ZNF331: variants seen among roughly 807,000 people sequenced by gnomAD.
ZNF331 encodes zinc finger protein 331, also known as C2H2-like zinc finger protein rearranged in thyroid adenomas.
Under a neutral mutation model 7.0 loss-of-function variants are expected in ZNF331, and 2 were observed. That is an observed-to-expected ratio of 0.29 (90% CI 0.12 to 0.90). The LOEUF (loss-of-function observed/expected upper bound fraction) is 0.90. Among genes scored for constraint, ZNF331 ranks in the 40% least tolerant of loss-of-function variants. The pLI is 0.58. For synonymous variants in ZNF331, 196 were observed against 205.4 expected (o/e 0.95, Z 0.39); for missense variants, 432 against 587.7 (o/e 0.74, Z 2.74).
chr19:53,510,778 GATTT>G, the ZNF331 span, among the ~76,000 whole-genome samples: 1 of 139,626 alleles, frequency 7.2e-6, no homozygotes, highest in African/African-American at 2.7e-5. Flanking sequence ...TTATAATATT[GATTT>G]TTTTTACCCA....
intron 5 of ZNF331, among the ~76,000 whole-genome samples, chr19:53,574,884 TA>T (rs2090630749): frequency 6.6e-6 from 1 of 152,118 alleles, no homozygotes; most frequent in African/African-American, 2.4e-5. Flanking sequence ...ATAAGAAGGA[TA>T]AAAACTTTGT....
rs574300167 is a variant in ZNF331 at position 53,543,408 on chromosome 19, G to A, written c.-138+4126G>A. Among the ~76,000 whole-genome samples, 22 of 152,028 alleles carry A rather than the reference G, an allele frequency of 1.4e-4. No individual in the cohort carries two copies. The East Asian group carries it at 1.6e-3, about 11-fold the overall frequency. Reference sequence around the variant, plus strand: ...CTCCTGAGTAGCTGGGATTACAAGCGCGCACCACCATGCCCAGCTAGTTTT... The same window carrying A: ...CTCCTGAGTAGCTGGGATTACAAGCACGCACCACCATGCCCAGCTAGTTTT... On this transcript the variant is annotated intron_variant, in intron 2 of 5. Coordinates refer to ENST00000449416, the MANE Select transcript of ZNF331 (RefSeq NM_001079906.2).
intron 2 of ZNF331, among the ~76,000 whole-genome samples, chr19:53,530,680 A>G (rs1385706028): frequency 6.6e-6 from 1 of 152,234 alleles, no homozygotes; most frequent in Non-Finnish European, 1.5e-5. Context: ...CGGTATGTAC[A>G]GGGCATCACT....
At chr19:53,510,108 C>T in the ZNF331 span, among the ~76,000 whole-genome samples, 1 of 152,150 alleles carries the variant, frequency 6.6e-6, no homozygotes, top group Non-Finnish European at 1.5e-5. Flanking sequence ...CAGAGTAAAC[C>T]ATGTTAGAGC....
upstream of ZNF331, chr19:53,536,311 ATCTT>A (rs72275024): frequency 0.31 from 46,806 of 151,836 alleles, 7,280 homozygotes; most frequent in Middle Eastern, 0.41. Context: ...ACATTGTACT[ATCTT>A]TCTTGTGGTT....
At chr19:53,548,869 A>G (rs2088801016) in intron 2 of ZNF331, among the ~76,000 whole-genome samples, 1 of 146,906 alleles carries the variant, frequency 6.8e-6, no homozygotes, top group Non-Finnish European at 1.5e-5. Context: ...TTTTTTTGAG[A>G]CCAAGTCTCA....
chr19:53,543,396 G>A (rs1673048154), intron 2 of ZNF331, among the ~76,000 whole-genome samples: 1 of 152,118 alleles, frequency 6.6e-6, no homozygotes, highest in African/African-American at 2.4e-5. Context: ...CTGAGTAGCT[G>A]GGATTACAAG....
At chr19:53,510,164 C>T in the ZNF331 span, among the ~76,000 whole-genome samples, 238 of 152,270 alleles carry the variant, frequency 1.6e-3, no homozygotes, top group African/African-American at 5.4e-3. Context: ...CTTCTGTGGG[C>T]GTGACAGTCT....
At chr19:53,528,555 C>A (rs916917290) in intron 2 of ZNF331, among the ~76,000 whole-genome samples, 6 of 152,294 alleles carry the variant, frequency 3.9e-5, no homozygotes, top group African/African-American at 1.4e-4. Flanking sequence ...AGGTTAGTAA[C>A]TGTCAGAGTT....
At chr19:53,531,999 TAAC>T (rs936269573) in intron 2 of ZNF331, among the ~76,000 whole-genome samples, 5 of 152,202 alleles carry the variant, frequency 3.3e-5, no homozygotes, top group African/African-American at 7.2e-5. Flanking sequence ...ATTTGATAAA[TAAC>T]AAATTATGTG....
chr19:53,572,570 ATATT>A (rs1426865609), intron 5 of ZNF331, among the ~76,000 whole-genome samples: 3 of 58,576 alleles, frequency 5.1e-5, no homozygotes, highest in Non-Finnish European at 1.0e-4. Context: ...ACACACATAT[ATATT>A]ATATATACAC....
At chr19:53,510,033 C>T in the ZNF331 span, among the ~76,000 whole-genome samples, 1 of 152,190 alleles carries the variant, frequency 6.6e-6, no homozygotes, top group African/African-American at 2.4e-5. Context: ...GATACAATCA[C>T]CTGCCACCAG....
At position 53,524,334 on chromosome 19, in the gene ZNF331, G is replaced by A. The variant is rs556762719; in HGVS notation, c.-205+1650G>A. Reference sequence around the variant, plus strand: ...TCTAGTTCTAGATTCTTGAGGAATCGCCACACTGTCTTCCACAATGGTTGA... The same window carrying A: ...TCTAGTTCTAGATTCTTGAGGAATCACCACACTGTCTTCCACAATGGTTGA... On this transcript the variant is annotated intron_variant, in intron 2 of 6. Transcript: ENST00000253144. Among the ~76,000 whole-genome samples the A allele has an allele frequency of 7.2e-5, 11 of 152,268 alleles. No homozygotes were observed. In the South Asian group the frequency reaches 1.9e-3, roughly 26 times the overall value.
At chr19:53,575,273 T>C (rs1486682987) in intron 5 of ZNF331, among the ~76,000 whole-genome samples, 1 of 152,046 alleles carries the variant, frequency 6.6e-6, no homozygotes, top group African/African-American at 2.4e-5. Context: ...TCTGGTTTCC[T>C]AGCGTGTTCC....
Position 53,577,777 on chromosome 19 carries a change from C to T in ZNF331, c.1217C>T (p.Thr406Ile). 1 of 1,613,874 alleles carries T rather than the reference C, an allele frequency of 6.2e-7. No homozygotes were observed. The highest frequency in any genetic ancestry group is 8.5e-7 in the Non-Finnish European group (1 of 1,179,812). Residue 406 changes from threonine (T) to isoleucine (I), a missense_variant, in exon 6 of 6, where the codon ACC (threonine) becomes ATC (isoleucine). Coordinates refer to ENST00000449416, the MANE Select transcript of ZNF331 (RefSeq NM_001079906.2). ...CTCGTGAAACATGAGAGAATTCATA[C>T]CGGGGTGAAACCCTATGGGTGTACA... ...SSLVKHERIH[T>I]GVKPYGCTEC... is the part of the protein sequence containing the mutation.
chr19:53,520,331 T>C (rs1342537129), upstream of ZNF331, among the ~76,000 whole-genome samples: 1 of 152,114 alleles, frequency 6.6e-6, no homozygotes, highest in Non-Finnish European at 1.5e-5. Flanking sequence ...ACAGGCGTGA[T>C]TTCTGGTCGT....
Position 53,576,782 on chromosome 19 carries a change from A to G in ZNF331, c.222A>G (p.Arg74=). The G allele has an allele frequency of 1.9e-6, 3 of 1,612,770 alleles. No individual in the cohort carries two copies. The highest frequency in any genetic ancestry group is 2.5e-6 in the Non-Finnish European group (3 of 1,178,658). The change falls in exon 6 of 6, where the codon AGA becomes AGG. Residue 74 remains arginine, a synonymous_variant. Transcript: ENST00000449416. Reference sequence around the variant, plus strand: ...GGGCTTCCAAAAGGAATTCAGATAGAAGAAGTAAATCCCTTGGCCGTAACT... The same window carrying G: ...GGGCTTCCAAAAGGAATTCAGATAGGAGAAGTAAATCCCTTGGCCGTAACT... ...EIRASKRNSD[R]RSKSLGRNWI... is the part of the protein sequence containing the mutation.
rs2088573311 is a variant in ZNF331 at position 53,546,037 on chromosome 19, C to G, written c.-138+6755C>G. 4.0e-5 allele frequency among the ~76,000 whole-genome samples: 6 copies of G among 151,368 alleles called. No homozygotes were observed. In the South Asian group the frequency reaches 1.3e-3, roughly 32 times the overall value. On this transcript the variant is annotated intron_variant, in intron 2 of 5. Transcript: ENST00000449416. The stretch of plus-strand genomic sequence containing the variant: ...GCTGTGGCCTGGGGACAGGCGTGCC[C>G]TGGAGGGTATTTGCTAATGCAGCCT...
chr19:53,532,698 A>G (rs1454116701), intron 2 of ZNF331, among the ~76,000 whole-genome samples: 1 of 151,836 alleles, frequency 6.6e-6, no homozygotes, highest in Non-Finnish European at 1.5e-5. Flanking sequence ...CAATCTTTTT[A>G]CTCATTACTG....
Sources: allele counts gnomAD v4.1 joint callset (sites outside exome capture counted in the v4.1 genomes callset), GRCh38; gene constraint gnomAD v4.1.1; transcripts MANE v1.5; gene names NCBI Gene and HGNC (gene_info 2026-07-23, HGNC 2026-07-21).